Variants in COL23A1 observed in about 807,000 individuals in gnomAD.
COL23A1 encodes the protein collagen type XXIII alpha 1 chain.
COL23A1 carries 97 observed loss-of-function variants against 99.3 expected under a neutral mutation model. That is an observed-to-expected ratio of 0.98 (90% CI 0.83 to 1.16). The LOEUF (loss-of-function observed/expected upper bound fraction) is 1.16. COL23A1 is among the 50% of genes most tolerant of loss of function. The pLI, the probability that COL23A1 is intolerant of heterozygous loss-of-function variation, is 0.00. For synonymous variants in COL23A1, 320 were observed against 308.2 expected, an observed-to-expected ratio of 1.04 and a Z score of -0.40; for missense variants, 762 against 757.4, an observed-to-expected ratio of 1.01 and a Z score of -0.07.
rs1756815083 is a variant in COL23A1, at chr5:178,280,126, G to A, written c.441+8198C>T. 2.0e-5 allele frequency among the ~76,000 whole-genome samples: 3 copies of A among 152,208 alleles called. No homozygotes were observed. Among genetic ancestry groups the A allele is most frequent in the Admixed American group, 2.0e-4 (3 of 15,284 alleles). ...GTCCATCCTGCTGGCTCTCGTGCCC[G>A]GCCAGGGAACACTAGAGGGCGCGCT... On this transcript the variant is annotated intron_variant, in intron 5 of 28. Coordinates refer to ENST00000390654, the MANE Select transcript of COL23A1 (RefSeq NM_173465.4). This position sits in a 1 kb window ranked among gnomAD's most constrained non-coding sequence, Gnocchi z 4.9.
At chr5:178,575,967 T>TA (rs1343160209) in intron 1 of COL23A1, among the ~76,000 whole-genome samples, 1 of 152,194 alleles carries the variant, frequency 6.6e-6, no homozygotes, top group Non-Finnish European at 1.5e-5. Context: ...TTGATTCCTC[T>TA]AGTAGCGATG....
At chr5:178,547,935 A>C (rs866333214) in intron 2 of COL23A1, among the ~76,000 whole-genome samples, 50 of 28,904 alleles carry the variant, frequency 1.7e-3, no homozygotes, top group African/African-American at 4.1e-3. Flanking sequence ...TTACACCCAC[A>C]CCCACCCCCC....
chr5:178,249,714 A>ACACACACACT (rs1285035339), intron 18 of COL23A1, among the ~76,000 whole-genome samples: 293 of 116,122 alleles, frequency 2.5e-3, no homozygotes, highest in Middle Eastern at 9.0e-3. Flanking sequence ...ACACACACAC[A>ACACACACACT]CACTCTCTCT....
intron 2 of COL23A1, among the ~76,000 whole-genome samples, chr5:178,493,140 T>G (rs1472964464): frequency 6.6e-6 from 1 of 152,152 alleles, no homozygotes; most frequent in Non-Finnish European, 1.5e-5. Flanking sequence ...GAGATTCTGG[T>G]CCTCGCTGTG....
At chr5:178,328,967 C>T (rs1759852534) in intron 2 of COL23A1, among the ~76,000 whole-genome samples, 1 of 152,154 alleles carries the variant, frequency 6.6e-6, no homozygotes. Context: ...GAAATGGGCA[C>T]GAACACAGCC....
intron 2 of COL23A1, among the ~76,000 whole-genome samples, chr5:178,513,786 C>CA (rs1325466800): frequency 3.9e-5 from 6 of 152,202 alleles, no homozygotes; most frequent in African/African-American, 1.2e-4. Flanking sequence ...CCTCCATCTT[C>CA]ACGGTCAGCA....
intron 2 of COL23A1, among the ~76,000 whole-genome samples, chr5:178,330,105 G>A (rs749321871): frequency 9.9e-5 from 15 of 152,156 alleles, no homozygotes; most frequent in Non-Finnish European, 1.9e-4. Flanking sequence ...GAGTATTCAG[G>A]GGGGAGAGAT....
At chr5:178,499,850 C>G (rs1201933039) in intron 2 of COL23A1, among the ~76,000 whole-genome samples, 2 of 152,104 alleles carry the variant, frequency 1.3e-5, no homozygotes, top group Non-Finnish European at 2.9e-5. Flanking sequence ...TAGAGACATG[C>G]AATAGAATAG....
At chr5:178,582,522 A>G (rs1763717333) in intron 1 of COL23A1, among the ~76,000 whole-genome samples, 1 of 152,134 alleles carries the variant, frequency 6.6e-6, no homozygotes, top group Admixed American at 6.5e-5. Flanking sequence ...TCACATCCAC[A>G]CTTCGCGAGG....
chr5:178,575,337 C>G (rs262054), intron 1 of COL23A1, among the ~76,000 whole-genome samples: 1 of 152,056 alleles, frequency 6.6e-6, no homozygotes, highest in Non-Finnish European at 1.5e-5. Context: ...CAGCTTCGCT[C>G]GTGTAGGGAA....
At chr5:178,475,457 C>G (rs1021006323) in intron 2 of COL23A1, among the ~76,000 whole-genome samples, 11 of 152,174 alleles carry the variant, frequency 7.2e-5, no homozygotes, top group Admixed American at 3.3e-4. Context: ...GGTGCTGAGC[C>G]CCTGTGCCTA....
chr5:178,546,868 A>G (rs1490168943), intron 2 of COL23A1, among the ~76,000 whole-genome samples: 1 of 152,120 alleles, frequency 6.6e-6, no homozygotes, highest in Non-Finnish European at 1.5e-5. Context: ...CCATCTCTGC[A>G]AGGCCAGGGG....
chr5:178,422,457 TGAGGGCCA>T (rs1227197643), intron 2 of COL23A1, among the ~76,000 whole-genome samples: 2 of 152,322 alleles, frequency 1.3e-5, no homozygotes, highest in Non-Finnish European at 2.9e-5. Context: ...CTCTGGGGAC[TGAGGGCCA>T]GAGGGCCAGC....
At chr5:178,414,000 C>G (rs1765176863) in intron 2 of COL23A1, among the ~76,000 whole-genome samples, 1 of 152,168 alleles carries the variant, frequency 6.6e-6, no homozygotes, top group Non-Finnish European at 1.5e-5. Flanking sequence ...GCATGAAGTC[C>G]AAGCTGATGT....
chr5:178,335,889 C>T (rs1760291106), intron 2 of COL23A1, among the ~76,000 whole-genome samples: 1 of 152,240 alleles, frequency 6.6e-6, no homozygotes, highest in South Asian at 2.1e-4. Flanking sequence ...TACAATTGAT[C>T]TACCATGTCT....
chr5:178,555,822 G>A (rs1222224368), intron 2 of COL23A1, among the ~76,000 whole-genome samples: 3 of 151,604 alleles, frequency 2.0e-5, no homozygotes, highest in South Asian at 2.1e-4. Flanking sequence ...GTTCACAGAC[G>A]GTGGAGGCCG....
chr5:178,361,562 C>G (rs1185904457), intron 2 of COL23A1, among the ~76,000 whole-genome samples: 1 of 152,076 alleles, frequency 6.6e-6, no homozygotes, highest in South Asian at 2.1e-4. Flanking sequence ...ACCTTCAACC[C>G]AACCCCTGGC....
chr5:178,309,820 G>T lies in COL23A1; in HGVS notation c.362-2901C>A, dbSNP rs757964077. Among the ~76,000 whole-genome samples, 8 of 151,968 alleles carry T rather than the reference G, an allele frequency of 5.3e-5. No homozygotes were observed. The highest frequency in any genetic ancestry group is 1.0e-4 in the Non-Finnish European group (7 of 68,012). The stretch of plus-strand genomic sequence containing the variant: ...CTCTGCCACTCGCTCTGCTGTGCTC[G>T]ATTCTCCCTCCTGGCACAAAGGACC... On this transcript the variant is annotated intron_variant, in intron 2 of 28. Coordinates refer to ENST00000390654, the MANE Select transcript of COL23A1 (RefSeq NM_173465.4). The surrounding 1 kb of genome is among the most constrained non-coding windows in gnomAD (Gnocchi z 4.7).
At chr5:178,345,101 C>A in intron 2 of COL23A1, 1 of 593,814 alleles carries the variant, frequency 1.7e-6, no homozygotes, top group Non-Finnish European at 3.2e-6. Flanking sequence ...TGGTAATTGG[C>A]ACGACATCTC....
Sources: allele counts gnomAD v4.1 joint callset (sites outside exome capture counted in the v4.1 genomes callset), GRCh38; gene constraint gnomAD v4.1.1; non-coding constraint Gnocchi (gnomAD v3.1); transcripts MANE v1.5; gene names NCBI Gene and HGNC (gene_info 2026-07-23, HGNC 2026-07-21).